GRM1: variants seen among roughly 807,000 people sequenced by gnomAD.
GRM1 encodes the protein metabotropic glutamate receptor 1.
GRM1 carries 33 observed loss-of-function variants against 90.9 expected under a neutral mutation model. The observed-to-expected ratio is 0.36, with a 90% CI of 0.28 to 0.49. GRM1 has a LOEUF of 0.49. GRM1 is among the 20% of genes least tolerant of loss of function. The pLI is 0.99. For synonymous variants in GRM1, 700 were observed against 613.2 expected (o/e 1.14, Z -2.09); for missense variants, 1,190 against 1,534.3 (o/e 0.78, Z 3.75).
intron 1 of GRM1, among the ~76,000 whole-genome samples, chr6:146,121,662 C>T (rs1775993329): frequency 6.6e-6 from 1 of 152,312 alleles, no homozygotes; most frequent in Non-Finnish European, 1.5e-5. Flanking sequence ...TTTCAAAGAA[C>T]ATCTTTATTT....
intron 1 of GRM1, among the ~76,000 whole-genome samples, chr6:146,035,226 C>T (rs1790845688): frequency 6.6e-6 from 1 of 151,886 alleles, no homozygotes; most frequent in South Asian, 2.1e-4. Flanking sequence ...TCCTAATATT[C>T]TGTGATTACA....
intron 2 of GRM1, among the ~76,000 whole-genome samples, chr6:146,174,376 C>T (rs926152981): frequency 1.3e-5 from 2 of 152,096 alleles, no homozygotes; most frequent in Admixed American, 6.6e-5. Context: ...TCTCCTTGCT[C>T]ATCAAATATA....
intron 7 of GRM1, among the ~76,000 whole-genome samples, chr6:146,400,652 G>GT (rs977422674): frequency 6.6e-6 from 1 of 152,038 alleles, no homozygotes; most frequent in East Asian, 1.9e-4. Context: ...TTCATGTAAC[G>GT]TTTTTTATTT....
Position 146,030,106 on chromosome 6 carries a change from T to C in GRM1, c.589T>C (p.Leu197=). 3 of 1,614,142 alleles carry C rather than the reference T, an allele frequency of 1.9e-6. No homozygotes were observed. Among genetic ancestry groups the C allele is most frequent in the Non-Finnish European group, 2.5e-6 (3 of 1,180,014 alleles). ...ATSIDLSDKT[L]YKYFLRVVPS... ...AAGCATCGACCTGAGTGACAAAACT[T>C]TGTACAAATACTTCCTGAGGGTTGT... Residue 197 remains leucine, a synonymous_variant, in exon 1 of 8, where the codon TTG becomes CTG. Transcript: ENST00000282753.
intron 1 of GRM1, among the ~76,000 whole-genome samples, chr6:146,128,586 T>G (rs2128879545): frequency 6.6e-6 from 1 of 152,256 alleles, no homozygotes; most frequent in East Asian, 1.9e-4. Context: ...AACAAGAACA[T>G]ATACATAAAA....
At position 146,116,664 on chromosome 6, in the gene GRM1, C is replaced by T. The variant is rs76304388; in HGVS notation, c.701-42684C>T. Among the ~76,000 whole-genome samples the T allele has an allele frequency of 8.1e-3, 1,228 of 152,128 alleles. 16 individuals are homozygous for T. Among genetic ancestry groups the T allele is most frequent in the African/African-American group, 0.028 (1,165 of 41,520 alleles). Reference sequence around the variant, plus strand: ...GAATGTATTAACTTTCATTTCTTATCATTGGTTGAAGATTGTAGCTTTGAT... The same window carrying T: ...GAATGTATTAACTTTCATTTCTTATTATTGGTTGAAGATTGTAGCTTTGAT... On this transcript the variant is annotated intron_variant, in intron 1 of 7. Coordinates refer to ENST00000282753, the MANE Select transcript of GRM1 (RefSeq NM_001278064.2).
At chr6:146,333,836 C>T (rs1177322346) in intron 3 of GRM1, among the ~76,000 whole-genome samples, 1 of 151,390 alleles carries the variant, frequency 6.6e-6, no homozygotes, top group East Asian at 1.9e-4. Context: ...CCCAGAGAAG[C>T]CTAAAGAAAC....
chr6:146,146,577 T>A (rs1777116037), intron 1 of GRM1, among the ~76,000 whole-genome samples: 1 of 152,166 alleles, frequency 6.6e-6, no homozygotes, highest in Non-Finnish European at 1.5e-5. Flanking sequence ...GAACATCCCC[T>A]CTGAAACTAT....
chr6:146,201,387 G>A (rs1432377667), intron 2 of GRM1, among the ~76,000 whole-genome samples: 7 of 152,188 alleles, frequency 4.6e-5, no homozygotes, highest in Admixed American at 2.6e-4. Context: ...GATAAATTTG[G>A]TGGGTTAAAC....
intron 2 of GRM1, among the ~76,000 whole-genome samples, chr6:146,194,092 T>C (rs974015333): frequency 2.0e-5 from 3 of 152,172 alleles, no homozygotes; most frequent in African/African-American, 4.8e-5. Context: ...GGGAATTCTG[T>C]GGCTTCTCAA....
intron 3 of GRM1, among the ~76,000 whole-genome samples, chr6:146,319,146 TA>T: frequency 6.6e-6 from 1 of 152,314 alleles, no homozygotes; most frequent in East Asian, 1.9e-4. Flanking sequence ...TTAGAGTCTT[TA>T]ATCCATCTTG....
At chr6:146,235,807 A>G (rs979688366) in intron 2 of GRM1, among the ~76,000 whole-genome samples, 1 of 149,854 alleles carries the variant, frequency 6.7e-6, no homozygotes, top group African/African-American at 2.5e-5. Flanking sequence ...TCTTTGATGA[A>G]ATGATCTATC....
At chr6:146,093,265 C>A (rs1381364202) in intron 1 of GRM1, among the ~76,000 whole-genome samples, 1 of 152,072 alleles carries the variant, frequency 6.6e-6, no homozygotes, top group Non-Finnish European at 1.5e-5. Context: ...CCAATGCTTC[C>A]ACGTCTTTGG....
Position 146,178,347 on chromosome 6 carries a change from C to A in GRM1, c.950+18750C>A, listed in dbSNP as rs1183146566. Among the ~76,000 whole-genome samples, 7 of 152,120 alleles carry A rather than the reference C, an allele frequency of 4.6e-5. No individual in the cohort carries two copies. In the South Asian group the frequency reaches 1.5e-3, roughly 32 times the overall value. ...GACCACAGAGGTAAAGTGCCATTTT[C>A]ATCATATTATATAGGTTGAGTATCC... On this transcript the variant is annotated intron_variant, in intron 2 of 7. Transcript: ENST00000282753.
At chr6:146,367,914 T>C (rs971657246) in intron 5 of GRM1, among the ~76,000 whole-genome samples, 4 of 152,086 alleles carry the variant, frequency 2.6e-5, no homozygotes, top group African/African-American at 9.7e-5. Context: ...TTGCTATTGG[T>C]ATTTTGATAA....
At chr6:146,371,343 G>A (rs749871878) in intron 5 of GRM1, among the ~76,000 whole-genome samples, 14 of 151,882 alleles carry the variant, frequency 9.2e-5, no homozygotes, top group Non-Finnish European at 1.5e-4. Context: ...ATTTTTATGG[G>A]TACATAGTAG....
rs182861869 is a variant in GRM1, at chr6:146,436,723, T to C, written c.*1927T>C. 2.6e-5 allele frequency: 4 copies of C among 152,760 alleles called. No homozygotes were observed. In the East Asian group the frequency reaches 5.8e-4, roughly 22 times the overall value. The allele number at this position is 152,760 out of a possible 1,614,324, so 9.5% of individuals were successfully genotyped here. Reference sequence around the variant, plus strand: ...TTTTTCTTGCTGTTTTGATTTCTTCTATTATTTGTGGAATGAATTATACCC... The same window carrying C: ...TTTTTCTTGCTGTTTTGATTTCTTCCATTATTTGTGGAATGAATTATACCC... On this transcript the variant is annotated 3_prime_UTR_variant, in exon 8 of 8. Coordinates refer to ENST00000282753, the MANE Select transcript of GRM1 (RefSeq NM_001278064.2).
At position 146,425,540 on chromosome 6, in the gene GRM1, A is replaced by T. The variant is rs111968959; in HGVS notation, c.2661-8332A>T. 1.6e-4 allele frequency among the ~76,000 whole-genome samples: 25 copies of T among 152,296 alleles called. 1 individual carries two copies. The highest frequency in any genetic ancestry group is 5.3e-4 in the African/African-American group (22 of 41,560). On this transcript the variant is annotated intron_variant, in intron 7 of 7. Transcript: ENST00000282753. Reference sequence around the variant, plus strand: ...GTTACCCTGGACAGTTGTCACCAGGATCTTCTGGGTAGAGGGTCAGATGTT... The same window carrying T: ...GTTACCCTGGACAGTTGTCACCAGGTTCTTCTGGGTAGAGGGTCAGATGTT...
chr6:146,416,626 A>G (rs78437402), intron 7 of GRM1, among the ~76,000 whole-genome samples: 1,957 of 152,204 alleles, frequency 0.013, 48 homozygotes, highest in African/African-American at 0.045. Flanking sequence ...ATGTATCCCC[A>G]TATGTTTCTC....
Sources: allele counts gnomAD v4.1 joint callset (sites outside exome capture counted in the v4.1 genomes callset), GRCh38; gene constraint gnomAD v4.1.1; transcripts MANE v1.5; gene names NCBI Gene and HGNC (gene_info 2026-07-23, HGNC 2026-07-21).